TAFA1: variants seen among roughly 807,000 people sequenced by gnomAD.
TAFA1 encodes the protein TAFA chemokine like family member 1.
Under a neutral mutation model 18.5 loss-of-function variants are expected in TAFA1, and 4 were observed. That is an observed-to-expected ratio of 0.22 (90% CI 0.11 to 0.49). TAFA1 has a LOEUF of 0.49. TAFA1 is among the 20% of genes least tolerant of loss of function. The pLI, the probability that TAFA1 is intolerant of heterozygous loss-of-function variation, is 0.98. For synonymous variants in TAFA1, 56 were observed against 55.2 expected (o/e 1.01, Z -0.06); for missense variants, 147 against 169.0 (o/e 0.87, Z 0.72).
At chr3:68,361,381 G>A (rs192035534) in intron 2 of TAFA1, among the ~76,000 whole-genome samples, 1 of 151,892 alleles carries the variant, frequency 6.6e-6, no homozygotes, top group East Asian at 1.9e-4. Context: ...AGGGAGGGTG[G>A]TTAGTGGGTA....
At chr3:68,497,512 G>A (rs1188139838) in intron 3 of TAFA1, among the ~76,000 whole-genome samples, 2 of 152,122 alleles carry the variant, frequency 1.3e-5, no homozygotes, top group African/African-American at 4.8e-5. Context: ...AAATATGTCA[G>A]TTGGGAGGGT....
At chr3:68,454,486 A>G (rs2106904855) in intron 3 of TAFA1, among the ~76,000 whole-genome samples, 1 of 152,276 alleles carries the variant, frequency 6.6e-6, no homozygotes, top group South Asian at 2.1e-4. Flanking sequence ...ATCCTGTTTG[A>G]TATAGCCCAG....
chr3:68,280,608 G>A (rs758913652), intron 2 of TAFA1, among the ~76,000 whole-genome samples: 1 of 151,588 alleles, frequency 6.6e-6, no homozygotes, highest in Non-Finnish European at 1.5e-5. Context: ...TGCATTGAGT[G>A]GACTTTTGTT....
intron 2 of TAFA1, among the ~76,000 whole-genome samples, chr3:68,035,391 G>C (rs2106662815): frequency 1.3e-5 from 2 of 151,928 alleles, no homozygotes; most frequent in African/African-American, 4.8e-5. Context: ...TAATATATTT[G>C]GTTAAAAAAG....
At chr3:68,069,029 T>A (rs980130966) in intron 2 of TAFA1, among the ~76,000 whole-genome samples, 1 of 152,190 alleles carries the variant, frequency 6.6e-6, no homozygotes, top group Non-Finnish European at 1.5e-5. Context: ...CATTTTTGGA[T>A]GGTTTTAAGA....
At chr3:68,018,171 C>T (rs1704606812) in intron 2 of TAFA1, among the ~76,000 whole-genome samples, 1 of 152,156 alleles carries the variant, frequency 6.6e-6, no homozygotes, top group African/African-American at 2.4e-5. Flanking sequence ...CTCAAGGCTG[C>T]CTTATCAGTG....
intron 2 of TAFA1, among the ~76,000 whole-genome samples, chr3:68,313,623 A>G (rs770621838): frequency 1.3e-5 from 2 of 152,238 alleles, no homozygotes; most frequent in Non-Finnish European, 2.9e-5. Flanking sequence ...ATGTATCAAT[A>G]TGAATTGTAT....
chr3:68,286,564 A>G (rs1164596764), intron 2 of TAFA1, among the ~76,000 whole-genome samples: 1 of 152,202 alleles, frequency 6.6e-6, no homozygotes, highest in Non-Finnish European at 1.5e-5. Context: ...AAGGATTAAT[A>G]AGGAAGAATT....
intron 2 of TAFA1, among the ~76,000 whole-genome samples, chr3:68,125,522 A>G (rs1028572341): frequency 3.3e-5 from 5 of 152,214 alleles, no homozygotes; most frequent in African/African-American, 7.2e-5. Context: ...GGAGAGAGAC[A>G]CAGCCCCTGC....
intron 2 of TAFA1, among the ~76,000 whole-genome samples, chr3:68,042,779 A>G (rs1172346858): frequency 1.3e-5 from 2 of 152,350 alleles, no homozygotes; most frequent in Middle Eastern, 3.4e-3. Context: ...CTACTGTTTT[A>G]TAGTTGACAG....
chr3:68,442,048 A>G (rs1212209194), intron 3 of TAFA1, among the ~76,000 whole-genome samples: 1 of 152,052 alleles, frequency 6.6e-6, no homozygotes, highest in Non-Finnish European at 1.5e-5. Flanking sequence ...TGCTGCTCCA[A>G]ATTCTTCCAG....
chr3:68,382,515 G>T (rs1481298995), intron 2 of TAFA1, among the ~76,000 whole-genome samples: 1 of 152,090 alleles, frequency 6.6e-6, no homozygotes, highest in African/African-American at 2.4e-5. Flanking sequence ...CTTTGTCAAA[G>T]ATGAGATTAT....
chr3:68,408,544 T>A (rs184204602), intron 2 of TAFA1, among the ~76,000 whole-genome samples: 2 of 152,328 alleles, frequency 1.3e-5, no homozygotes, highest in Admixed American at 6.5e-5. Flanking sequence ...TTATACATTC[T>A]GTCTTTCTTC....
At chr3:68,507,066 T>C (rs182715248) in intron 3 of TAFA1, among the ~76,000 whole-genome samples, 5 of 152,218 alleles carry the variant, frequency 3.3e-5, no homozygotes, top group African/African-American at 9.6e-5. Flanking sequence ...AGGGCAGACA[T>C]TGATAATCAA....
intron 2 of TAFA1, among the ~76,000 whole-genome samples, chr3:68,136,913 A>T (rs1253757039): frequency 6.6e-6 from 1 of 152,212 alleles, no homozygotes; most frequent in Non-Finnish European, 1.5e-5. Context: ...AGGATACTTC[A>T]GTGTTCTTTT....
chr3:68,478,918 A>G (rs554412622), intron 3 of TAFA1, among the ~76,000 whole-genome samples: 31 of 148,118 alleles, frequency 2.1e-4, no homozygotes, highest in East Asian at 8.0e-4. Context: ...ATATGTGTGT[A>G]TATATATATA....
chr3:68,169,697 G>T (rs1160496704), intron 2 of TAFA1, among the ~76,000 whole-genome samples: 1 of 152,248 alleles, frequency 6.6e-6, no homozygotes, highest in African/African-American at 2.4e-5. Context: ...CAATGAGTCT[G>T]TATCTCACTC....
rs2106778140 is a variant in TAFA1, at chr3:68,410,978, C to A, written c.119-6302C>A. Among the ~76,000 whole-genome samples the A allele has an allele frequency of 1.3e-5, 2 of 152,312 alleles. 1 individual carries two copies. Among genetic ancestry groups the A allele is most frequent in the Admixed American group, 1.3e-4 (2 of 15,300 alleles). ...TACAAATACATTGGATTAAAATACACATTTCCTAATTTCCAGAAAGGTTGT... is the reference window on the plus strand; with the variant it reads ...TACAAATACATTGGATTAAAATACAAATTTCCTAATTTCCAGAAAGGTTGT... On this transcript the variant is annotated intron_variant, in intron 2 of 4. Transcript: ENST00000478136.
At chr3:68,079,776 A>G (rs1371298471) in intron 2 of TAFA1, among the ~76,000 whole-genome samples, 7 of 152,114 alleles carry the variant, frequency 4.6e-5, no homozygotes, top group African/African-American at 7.2e-5. Flanking sequence ...GTGCTGAAAA[A>G]AATGTATATT....
Sources: allele counts gnomAD v4.1 joint callset (sites outside exome capture counted in the v4.1 genomes callset), GRCh38; gene constraint gnomAD v4.1.1; transcripts MANE v1.5; gene names NCBI Gene and HGNC (gene_info 2026-07-23, HGNC 2026-07-21).